The following PCDH11X variants were observed in gnomAD, a reference collection of about 807,000 sequenced individuals.
PCDH11X encodes protocadherin-11 X-linked.
A neutral mutation model predicts 53.3 loss-of-function variants in PCDH11X; 18 were observed. The ratio of observed to expected loss-of-function variants is 0.34; its 90% CI spans 0.23 to 0.50. The LOEUF (loss-of-function observed/expected upper bound fraction) is 0.50. Among genes scored for constraint, PCDH11X ranks in the 20% least tolerant of loss-of-function variants. The probability of loss-of-function intolerance (pLI) is 0.98; values close to 1 mark genes in which losing one functional copy is unlikely to be tolerated. For synonymous variants in PCDH11X, 279 were observed against 393.3 expected (o/e 0.71, Z 3.44); for missense variants, 570 against 1,032.4 (o/e 0.55, Z 6.14).
At chrX:91,981,237 A>G (rs1163632839) in intron 6 of PCDH11X, among the ~76,000 whole-genome samples, 1 of 108,970 alleles carries the variant, frequency 9.2e-6, no homozygotes, top group African/African-American at 3.3e-5. Flanking sequence ...GTGTGATTTT[A>G]TCTCACTCCC....
At chrX:92,140,574 G>A (rs765465165) in intron 6 of PCDH11X, among the ~76,000 whole-genome samples, 2 of 111,439 alleles carry the variant, frequency 1.8e-5, no homozygotes, top group Non-Finnish European at 3.8e-5. Context: ...TTGAAGTAAA[G>A]GCCCTTTTAC....
chrX:91,911,753 A>G (rs1941375753), intron 6 of PCDH11X, among the ~76,000 whole-genome samples: 1 of 110,107 alleles, frequency 9.1e-6, no homozygotes, highest in Non-Finnish European at 1.9e-5. Flanking sequence ...TCCTTACTAT[A>G]TCTTTGTCTA....
chrX:92,527,773 A>T (rs1378231058), intron 10 of PCDH11X, among the ~76,000 whole-genome samples: 4 of 112,215 alleles, frequency 3.6e-5, no homozygotes, highest in Non-Finnish European at 7.5e-5. Context: ...TCTTGGGAAG[A>T]ACATTTACTC....
At chrX:92,212,506 A>G (rs1483664005) in intron 7 of PCDH11X, among the ~76,000 whole-genome samples, 7 of 110,514 alleles carry the variant, frequency 6.3e-5, no homozygotes, top group Non-Finnish European at 1.3e-4. Flanking sequence ...GTGTGCCACC[A>G]TGCCTGGCTA....
intron 8 of PCDH11X, among the ~76,000 whole-genome samples, chrX:92,326,971 T>A (rs1179241514): frequency 9.1e-6 from 1 of 109,500 alleles, no homozygotes; most frequent in East Asian, 2.9e-4. Flanking sequence ...TCTTCTCAGG[T>A]ATCTGTGTTA....
At chrX:92,511,488 T>C (rs1390611949) in intron 10 of PCDH11X, among the ~76,000 whole-genome samples, 2 of 112,229 alleles carry the variant, frequency 1.8e-5, no homozygotes, top group Non-Finnish European at 3.8e-5. Context: ...TGAAACTATA[T>C]AATGCAACCA....
intron 6 of PCDH11X, among the ~76,000 whole-genome samples, chrX:91,894,776 G>A (rs1424563149): frequency 1.8e-5 from 2 of 110,857 alleles, no homozygotes; most frequent in Non-Finnish European, 3.8e-5. Context: ...AATCCCAAGA[G>A]ACAACTCAGA....
intron 8 of PCDH11X, among the ~76,000 whole-genome samples, chrX:92,313,696 T>G (rs2148484462): frequency 9.0e-6 from 1 of 110,713 alleles, no homozygotes; most frequent in South Asian, 3.8e-4. Context: ...AGGTATAGCT[T>G]ACTACACACC....
chrX:91,884,265 CAAAG>C (rs1298175764), intron 6 of PCDH11X, among the ~76,000 whole-genome samples: 4 of 100,826 alleles, frequency 4.0e-5, no homozygotes, highest in African/African-American at 1.5e-4. Flanking sequence ...TAAATATTTT[CAAAG>C]AAAGAGGTCC....
intron 7 of PCDH11X, among the ~76,000 whole-genome samples, chrX:92,246,389 A>G (rs1161066449): frequency 2.7e-5 from 3 of 111,163 alleles, no homozygotes; most frequent in East Asian, 2.8e-4. Context: ...GTCTCACTCT[A>G]TCGCCCAGGC....
chrX:92,586,238 A>G (rs1347208034), intron 10 of PCDH11X, among the ~76,000 whole-genome samples: 1 of 102,297 alleles, frequency 9.8e-6, no homozygotes, highest in Non-Finnish European at 2.0e-5. Context: ...AACAAAGAAT[A>G]TTTTTGTGCC....
intron 6 of PCDH11X, among the ~76,000 whole-genome samples, chrX:92,148,099 T>C (rs1569389180): frequency 4.1e-5 from 1 of 24,198 alleles, no homozygotes; most frequent in Non-Finnish European, 7.4e-5. Context: ...TCTTTCTTTC[T>C]TTCTTTCTTT....
At chrX:92,282,410 A>T (rs2068270661) in intron 8 of PCDH11X, among the ~76,000 whole-genome samples, 2 of 111,568 alleles carry the variant, frequency 1.8e-5, no homozygotes, top group Non-Finnish European at 3.8e-5. Flanking sequence ...AGAATTTTAA[A>T]TTATAGAATT....
At chrX:92,049,415 C>T (rs1385040693) in intron 6 of PCDH11X, among the ~76,000 whole-genome samples, 1 of 110,338 alleles carries the variant, frequency 9.1e-6, no homozygotes. Flanking sequence ...TAGGGCATGA[C>T]TCCCCTGACC....
At chrX:91,800,106 A>G (rs1427209166) in intron 1 of PCDH11X, among the ~76,000 whole-genome samples, 1 of 111,858 alleles carries the variant, frequency 8.9e-6, no homozygotes, top group East Asian at 2.8e-4. Flanking sequence ...AAATATTTTT[A>G]CATAACACTT....
At chrX:91,999,229 C>T (rs2062469400) in intron 6 of PCDH11X, among the ~76,000 whole-genome samples, 2 of 111,579 alleles carry the variant, frequency 1.8e-5, no homozygotes, top group Non-Finnish European at 3.8e-5. Context: ...TAGTATGTTT[C>T]TGTAAAAGAG....
chrX:92,500,315 C>G (rs192949393), intron 10 of PCDH11X, among the ~76,000 whole-genome samples: 2 of 111,585 alleles, frequency 1.8e-5, no homozygotes, highest in African/African-American at 6.5e-5. Flanking sequence ...TAAAAATCAA[C>G]TGATTTCTCC....
rs969770933 is a variant in PCDH11X at position 92,524,187 on chromosome X, AT to A, written c.3367+55867del. The stretch of plus-strand genomic sequence containing the variant: ...AATACTATTATACCTCAGTACCGTG[AT>A]TCTGCCTTTATCTTCATTGATTTTA... On this transcript the variant is annotated intron_variant, in intron 10 of 10. Transcript: ENST00000682573. 8.7e-5 allele frequency among the ~76,000 whole-genome samples: 9 copies of A among 103,576 alleles called. 1 individual carries two copies. Among genetic ancestry groups the A allele is most frequent in the African/African-American group, 3.2e-4 (9 of 28,498 alleles). 89.9% of individuals were successfully genotyped at this position (103,576 alleles called of 115,157 possible). A position where few individuals can be genotyped will look rare whatever the true frequency, so the allele number is the denominator to read the frequency against.
intron 6 of PCDH11X, among the ~76,000 whole-genome samples, chrX:92,071,323 A>T (rs1448152676): frequency 9.1e-6 from 1 of 110,460 alleles, no homozygotes; most frequent in African/African-American, 3.3e-5. Context: ...TCCACTCTAG[A>T]ATTGTTGGAT....
Sources: allele counts gnomAD v4.1 joint callset (sites outside exome capture counted in the v4.1 genomes callset), GRCh38; gene constraint gnomAD v4.1.1; transcripts MANE v1.5; gene names NCBI Gene and HGNC (gene_info 2026-07-23, HGNC 2026-07-21).